The following ADAMTS16 variants were observed in gnomAD, a reference collection of about 807,000 sequenced individuals.
ADAMTS16 encodes the protein A disintegrin and metalloproteinase with thrombospondin motifs 16.
In ADAMTS16, 94 loss-of-function variants were observed where a neutral mutation model predicts 145.8. The ratio of observed to expected loss-of-function variants is 0.64; its 90% CI spans 0.55 to 0.77. The LOEUF (loss-of-function observed/expected upper bound fraction) is 0.77. Ranked by LOEUF, ADAMTS16 falls within the 30% of genes least tolerant of loss-of-function variation. The probability of loss-of-function intolerance (pLI) is 0.00; values close to 1 mark genes in which losing one functional copy is unlikely to be tolerated. For missense variants in ADAMTS16, 1,585 were observed against 1,591.5 expected (o/e 1.00, Z 0.07); for synonymous variants, 659 against 604.3 (o/e 1.09, Z -1.33).
At chr5:5,183,922 T>A (rs2126563955) in intron 4 of ADAMTS16, among the ~76,000 whole-genome samples, 1 of 152,352 alleles carries the variant, frequency 6.6e-6, no homozygotes, top group South Asian at 2.1e-4. Context: ...TCCCATGGTT[T>A]CATAATAAAA....
chr5:5,159,755 A>C (rs1734693127), intron 3 of ADAMTS16, among the ~76,000 whole-genome samples: 1 of 152,210 alleles, frequency 6.6e-6, no homozygotes, highest in Non-Finnish European at 1.5e-5. Context: ...AGCTATTTAA[A>C]ATGTGAGAGT....
At chr5:5,158,312 CTGGA>C (rs1299832550) in intron 3 of ADAMTS16, among the ~76,000 whole-genome samples, 2 of 152,112 alleles carry the variant, frequency 1.3e-5, no homozygotes, top group African/African-American at 4.8e-5. Flanking sequence ...ATGAAAGGAA[CTGGA>C]TGGATGGGTG....
At chr5:5,186,872 T>C (rs976304828) in intron 5 of ADAMTS16, among the ~76,000 whole-genome samples, 8 of 152,152 alleles carry the variant, frequency 5.3e-5, no homozygotes, top group Non-Finnish European at 1.2e-4. Flanking sequence ...TTAAGAATAG[T>C]TTTAATGACA....
chr5:5,197,581 T>C (rs1368893393), intron 8 of ADAMTS16, among the ~76,000 whole-genome samples: 2 of 152,210 alleles, frequency 1.3e-5, no homozygotes, highest in African/African-American at 4.8e-5. Flanking sequence ...GCAAATGGGA[T>C]GATAACCATT....
chr5:5,295,193 T>C (rs1046214122), intron 18 of ADAMTS16, among the ~76,000 whole-genome samples: 1 of 152,346 alleles, frequency 6.6e-6, no homozygotes, highest in Admixed American at 6.5e-5. Context: ...TTGAGTTTCT[T>C]TAAAGAAGGA....
intron 3 of ADAMTS16, among the ~76,000 whole-genome samples, chr5:5,149,755 T>C (rs576093854): frequency 8.5e-5 from 13 of 152,318 alleles, no homozygotes; most frequent in Middle Eastern, 3.4e-3. Flanking sequence ...TCCTAGGTAG[T>C]ATAGGTTTGC....
At chr5:5,235,618 C>A (rs1472287741) in intron 13 of ADAMTS16, among the ~76,000 whole-genome samples, 3 of 152,078 alleles carry the variant, frequency 2.0e-5, no homozygotes, top group Non-Finnish European at 2.9e-5. Context: ...AATTTTGAAG[C>A]ATAGTATGTT....
chr5:5,297,681 T>C (rs1424985347), intron 18 of ADAMTS16, among the ~76,000 whole-genome samples: 1 of 152,216 alleles, frequency 6.6e-6, no homozygotes, highest in Non-Finnish European at 1.5e-5. Context: ...AAAAATGGCA[T>C]GCTGGCCTCG....
chr5:5,309,536 C>A (rs1016163298), intron 21 of ADAMTS16, among the ~76,000 whole-genome samples: 1 of 152,168 alleles, frequency 6.6e-6, no homozygotes, highest in African/African-American at 2.4e-5. Flanking sequence ...CGGGTCCCGG[C>A]AGCTACTAAT....
Position 5,186,035 on chromosome 5 carries a change from C to T in ADAMTS16, c.764-17C>T. 6.2e-7 allele frequency: 1 copy of T among 1,602,772 alleles called. No homozygotes were observed. The highest frequency in any genetic ancestry group is 8.5e-7 in the Non-Finnish European group (1 of 1,173,098). On this transcript the variant is annotated splice_polypyrimidine_tract_variant and intron_variant, in intron 4 of 22. Coordinates refer to ENST00000274181, the MANE Select transcript of ADAMTS16 (RefSeq NM_139056.4). ...GTGACTTGTGCTTCCATTTGCCCTC[C>T]ATGTGTCCCTCCATAGACATGCCCC... is the stretch of plus-strand genomic sequence containing the variant.
chr5:5,270,209 G>A (rs898970127), intron 18 of ADAMTS16, among the ~76,000 whole-genome samples: 2 of 152,142 alleles, frequency 1.3e-5, no homozygotes, highest in African/African-American at 4.8e-5. Context: ...ATGGAGCTTA[G>A]TAAATTTCTG....
At chr5:5,208,897 T>C (rs541148495) in intron 9 of ADAMTS16, among the ~76,000 whole-genome samples, 196 bp from the exon 10 acceptor site, 4 of 152,310 alleles carry the variant, frequency 2.6e-5, no homozygotes, top group Non-Finnish European at 4.4e-5. Context: ...TAATAAACAA[T>C]TTCAGAAAAT....
At chr5:5,194,390 A>T (rs1211263634) in intron 8 of ADAMTS16, among the ~76,000 whole-genome samples, 1 of 152,214 alleles carries the variant, frequency 6.6e-6, no homozygotes, top group East Asian at 1.9e-4. Context: ...TTTCTGTAAA[A>T]TTCACCTAGC....
chr5:5,308,588 A>G (rs1740283976), intron 21 of ADAMTS16, among the ~76,000 whole-genome samples: 1 of 152,334 alleles, frequency 6.6e-6, no homozygotes, highest in South Asian at 2.1e-4. Context: ...AAGTATGGAC[A>G]GAAAACAGAC....
rs80109867 is a variant in ADAMTS16 at position 5,150,791 on chromosome 5, T to A, written c.501+4336T>A. ...ATTGTTCTGCATAGGTTGACAGTTT[T>A]TTGTTGTTTTACTTTCAGCACTTTC... On this transcript the variant is annotated intron_variant, in intron 3 of 22. Coordinates refer to ENST00000274181, the MANE Select transcript of ADAMTS16 (RefSeq NM_139056.4). Among the ~76,000 whole-genome samples the A allele has an allele frequency of 5.2e-3, 787 of 152,354 alleles. 10 individuals carry two copies. The highest frequency in any genetic ancestry group is 0.018 in the African/African-American group (755 of 41,582).
chr5:5,240,935 G>T (rs1305730380), intron 16 of ADAMTS16, among the ~76,000 whole-genome samples: 1 of 152,180 alleles, frequency 6.6e-6, no homozygotes, highest in Non-Finnish European at 1.5e-5. Flanking sequence ...CAGAGAGAAA[G>T]ATGCCTCCGG....
intron 3 of ADAMTS16, among the ~76,000 whole-genome samples, chr5:5,172,540 G>T (rs1263264858): frequency 6.6e-6 from 1 of 152,042 alleles, no homozygotes; most frequent in Non-Finnish European, 1.5e-5. Flanking sequence ...CCATGTGTTT[G>T]TATGGTTTCC....
At chr5:5,141,792 C>T (rs270198) in intron 2 of ADAMTS16, among the ~76,000 whole-genome samples, 71,074 of 151,916 alleles carry the variant, frequency 0.47, 16,965 homozygotes, top group Admixed American at 0.58. Context: ...CAAATGAGTA[C>T]ACAAATAGTA....
At chr5:5,275,391 T>A (rs1738648252) in intron 18 of ADAMTS16, among the ~76,000 whole-genome samples, 1 of 152,214 alleles carries the variant, frequency 6.6e-6, no homozygotes, top group Non-Finnish European at 1.5e-5. Flanking sequence ...ATATTTCCCG[T>A]GAGAATCAAG....
Sources: gnomAD v4.1 joint callset for allele counts (sites outside exome capture counted in the v4.1 genomes callset) on GRCh38, gnomAD v4.1.1 for gene constraint, MANE v1.5 for transcripts, NCBI Gene and HGNC (gene_info 2026-07-23, HGNC 2026-07-21) for gene names.